Variants in RBFOX1 observed in about 807,000 individuals in gnomAD.
RBFOX1 encodes RNA binding fox-1 homolog 1.
A neutral mutation model predicts 57.7 loss-of-function variants in RBFOX1; 8 were observed. The observed-to-expected ratio is 0.14, with a 90% CI of 0.08 to 0.25. The LOEUF (loss-of-function observed/expected upper bound fraction) is 0.25. Ranked by LOEUF, RBFOX1 falls within the 10% of genes least tolerant of loss-of-function variation. The pLI, the probability that RBFOX1 is intolerant of heterozygous loss-of-function variation, is 1.00. For missense variants in RBFOX1, 611 were observed against 548.5 expected (o/e 1.11, Z -1.14); for synonymous variants, 326 against 222.4 (o/e 1.47, Z -4.15).
chr16:6,506,704 G>A (rs548630064), intron 2 of RBFOX1, among the ~76,000 whole-genome samples: 28 of 122,762 alleles, frequency 2.3e-4, no homozygotes, highest in Middle Eastern at 7.0e-3. Context: ...CTGGAGTACA[G>A]TGGCTTCATC....
intron 3 of RBFOX1, among the ~76,000 whole-genome samples, chr16:6,901,288 C>T (rs578260637): frequency 3.3e-5 from 5 of 152,300 alleles, no homozygotes; most frequent in Admixed American, 6.5e-5. Context: ...CTAAGCCCAT[C>T]CCTCTCCGTG....
At chr16:7,338,962 T>C (rs1603624501) in intron 4 of RBFOX1, among the ~76,000 whole-genome samples, 1 of 152,190 alleles carries the variant, frequency 6.6e-6, no homozygotes, top group African/African-American at 2.4e-5. Context: ...GCTGGTGGCG[T>C]CATTTACTCT....
intron 3 of RBFOX1, among the ~76,000 whole-genome samples, chr16:6,926,155 A>G (rs1298627896): frequency 6.6e-6 from 1 of 151,892 alleles, no homozygotes; most frequent in Non-Finnish European, 1.5e-5. Context: ...AAAATACAAA[A>G]AACTAGCTGG....
At chr16:7,111,381 A>G (rs1207522634) in intron 4 of RBFOX1, among the ~76,000 whole-genome samples, 1 of 152,198 alleles carries the variant, frequency 6.6e-6, no homozygotes, top group Middle Eastern at 3.2e-3. Flanking sequence ...TTTTCCTCAT[A>G]GTAAATAAAT....
chr16:6,614,199 A>T (rs563320677), intron 2 of RBFOX1, among the ~76,000 whole-genome samples: 1 of 152,274 alleles, frequency 6.6e-6, no homozygotes, highest in Admixed American at 6.5e-5. Flanking sequence ...CTTCTAAGTA[A>T]TGAAATTCTG....
At chr16:7,204,405 G>A (rs976882681) in intron 4 of RBFOX1, among the ~76,000 whole-genome samples, 6 of 146,268 alleles carry the variant, frequency 4.1e-5, no homozygotes, top group African/African-American at 1.5e-4. Context: ...ACTTTGAGAG[G>A]CTGAAGTGGG....
Position 5,506,373 on chromosome 16 carries a change from C to G in RBFOX1, c.258+39119C>G, listed in dbSNP as rs373013463. The stretch of plus-strand genomic sequence containing the variant: ...TCTGTCCTTTCTCTCCCTCTCTGTC[C>G]TTCTCTGACTCCGTGGACTCTAAAC... On this transcript the variant is annotated intron_variant, in intron 2 of 2. Coordinates refer to the RBFOX1 transcript ENST00000585867. Among the ~76,000 whole-genome samples, 579 of 152,302 alleles carry G rather than the reference C, an allele frequency of 3.8e-3. 5 individuals carry two copies. The highest frequency in any genetic ancestry group is 0.013 in the African/African-American group (539 of 41,564).
At chr16:7,154,165 G>C (rs1054638257) in intron 4 of RBFOX1, among the ~76,000 whole-genome samples, 1 of 152,186 alleles carries the variant, frequency 6.6e-6, no homozygotes, top group Non-Finnish European at 1.5e-5. Flanking sequence ...TATTTGTTGA[G>C]CACCTATGAT....
intron 5 of RBFOX1, among the ~76,000 whole-genome samples, chr16:7,567,860 T>C (rs907955734): frequency 3.7e-5 from 5 of 136,790 alleles, no homozygotes; most frequent in African/African-American, 1.4e-4. Flanking sequence ...TATATCCATA[T>C]ATATACCTCT....
intron 1 of RBFOX1, among the ~76,000 whole-genome samples, chr16:6,113,149 T>C (rs893782620): frequency 2.0e-5 from 3 of 152,176 alleles, no homozygotes; most frequent in Admixed American, 6.5e-5. Flanking sequence ...AAGATGCAAG[T>C]TGAGTTCACA....
intron 2 of RBFOX1, among the ~76,000 whole-genome samples, chr16:6,500,019 T>A (rs1412720992): frequency 6.6e-6 from 1 of 152,138 alleles, no homozygotes; most frequent in Non-Finnish European, 1.5e-5. Context: ...GAAACCCTTA[T>A]CACTGAATTA....
At chr16:7,709,735 G>C (rs971845304) in intron 15 of RBFOX1, 2 of 734,316 alleles carry the variant, frequency 2.7e-6, no homozygotes, top group African/African-American at 2.3e-5. Context: ...GGCAGGTCTG[G>C]GTTTTTGTTT....
intron 3 of RBFOX1, among the ~76,000 whole-genome samples, chr16:6,698,608 GC>G (rs2061387790): frequency 6.6e-6 from 1 of 152,078 alleles, no homozygotes; most frequent in Non-Finnish European, 1.5e-5. Context: ...GGTCTAACAT[GC>G]CACTTCTCCA....
chr16:6,343,428 A>C (rs2084871229), intron 2 of RBFOX1, among the ~76,000 whole-genome samples: 2 of 152,202 alleles, frequency 1.3e-5, no homozygotes, highest in African/African-American at 4.8e-5. Flanking sequence ...TCTTCAGGGA[A>C]GTTCTTTCTA....
At chr16:7,482,542 ATTTTTTTTTTTTTT>A (rs1178577326) in intron 4 of RBFOX1, among the ~76,000 whole-genome samples, 1 of 77,148 alleles carries the variant, frequency 1.3e-5, no homozygotes, top group African/African-American at 5.8e-5. Context: ...ATTGCCTGGG[ATTTTTTTTTTTTTT>A]TTTTTTTTTT....
At chr16:6,271,796 GT>G (rs2152676015) in intron 1 of RBFOX1, among the ~76,000 whole-genome samples, 1 of 152,196 alleles carries the variant, frequency 6.6e-6, no homozygotes, top group South Asian at 2.1e-4. Flanking sequence ...AAGAAATTGG[GT>G]TTTTAAGTTT....
intron 2 of RBFOX1, among the ~76,000 whole-genome samples, chr16:6,326,900 T>C (rs1430836392): frequency 6.6e-6 from 1 of 152,154 alleles, no homozygotes; most frequent in Non-Finnish European, 1.5e-5. Flanking sequence ...GAAATCTCCA[T>C]GTCTTGCATG....
intron 1 of RBFOX1, among the ~76,000 whole-genome samples, chr16:5,293,527 C>G (rs1182005143): frequency 1.3e-5 from 2 of 152,170 alleles, no homozygotes; most frequent in Non-Finnish European, 1.5e-5. Flanking sequence ...CTCTCTCTCA[C>G]TTAGCATGAT....
Position 6,364,814 on chromosome 16 carries a change from T to C in RBFOX1, c.-64+47757T>C, listed in dbSNP as rs138153656. On this transcript the variant is annotated intron_variant, in intron 2 of 15. Transcript: ENST00000550418. Reference sequence around the variant, plus strand: ...TGACCTTTTGTTTCCCTCTGCCTGGTTGGCTGACTTGGGAGAGAGTAACTG... The same window carrying C: ...TGACCTTTTGTTTCCCTCTGCCTGGCTGGCTGACTTGGGAGAGAGTAACTG... 3.5e-3 allele frequency among the ~76,000 whole-genome samples: 528 copies of C among 152,326 alleles called. 13 individuals carry two copies. Among genetic ancestry groups the C allele is most frequent in the Admixed American group, 0.032 (495 of 15,304 alleles).
Sources: gnomAD v4.1 joint callset for allele counts (sites outside exome capture counted in the v4.1 genomes callset) on GRCh38, gnomAD v4.1.1 for gene constraint, MANE v1.5 for transcripts, NCBI Gene and HGNC (gene_info 2026-07-23, HGNC 2026-07-21) for gene names.